Variants in SYNE1 observed in about 807,000 individuals in gnomAD.
SYNE1 encodes the protein nesprin-1.
In SYNE1, 616 loss-of-function variants were observed where a neutral mutation model predicts 1,111.0. That is an observed-to-expected ratio of 0.55 (90% CI 0.52 to 0.59). SYNE1 has a LOEUF of 0.59. Ranked by LOEUF, SYNE1 falls within the 20% of genes least tolerant of loss-of-function variation. The pLI is 0.00. For synonymous variants in SYNE1, 3,855 were observed against 3,825.8 expected (o/e 1.01, Z -0.28); for missense variants, 10,006 against 10,417.0 (o/e 0.96, Z 1.72).
Position 152,326,089 on chromosome 6 carries a change from A to G in SYNE1, c.15307T>C (p.Trp5103Arg). The change falls in exon 80 of 146, where the codon TGG (tryptophan) becomes CGG (arginine). Residue 5103 changes from tryptophan (W) to arginine (R), a missense_variant. Trp to Arg is a moderately radical substitution (Grantham distance 101). Around this residue, in one of 7 missense-constraint regions of SYNE1, gnomAD observed 4,955 missense variants for 5,017.2 expected, o/e 0.99. Coordinates refer to ENST00000367255, the MANE Select transcript of SYNE1 (RefSeq NM_182961.4). ...TCCCTTGCTTTCTGGTAATCGTGCC[A>G]TTGAGCTGTGCATCTTGAAAGAGTC... Reference protein sequence around the residue: ...VDLLQRCTAQWHDYQKAREEV... With the variant: ...VDLLQRCTAQRHDYQKAREEV... 6 of 1,614,116 alleles carry G rather than the reference A, an allele frequency of 3.7e-6. No individual in the cohort carries two copies. The highest frequency in any genetic ancestry group is 5.1e-6 in the Non-Finnish European group (6 of 1,180,032).
rs540444923 is a variant in SYNE1 at position 152,339,378 on chromosome 6, A to T, written c.12226-12T>A. 6.2e-7 allele frequency: 1 copy of T among 1,613,164 alleles called. No homozygotes were observed. Among genetic ancestry groups the T allele is most frequent in the South Asian group, 1.1e-5 (1 of 91,054 alleles). On this transcript the variant is annotated splice_polypyrimidine_tract_variant and intron_variant, in intron 74 of 145. Coordinates refer to ENST00000367255, the MANE Select transcript of SYNE1 (RefSeq NM_182961.4). ...CTGAAGTGTTTGACCTGGAAAAGGC[A>T]GTTATCAGAGTGAAAGAGATGCATC...
chr6:152,533,589 T>C (rs1039402886), intron 4 of SYNE1, among the ~76,000 whole-genome samples: 23 of 152,222 alleles, frequency 1.5e-4, no homozygotes, highest in South Asian at 4.1e-4. Flanking sequence ...CTACTGCTAC[T>C]ATCTTGGTCC....
At chr6:152,299,594 T>C (rs1367894070) in intron 93 of SYNE1, among the ~76,000 whole-genome samples, 1 of 152,048 alleles carries the variant, frequency 6.6e-6, no homozygotes. Flanking sequence ...ACTTGACAAA[T>C]GGATGAGTTG....
At position 152,121,813 on chromosome 6, in the gene SYNE1, T is replaced by C. The variant is rs538322324; in HGVS notation, c.*623A>G. ...ATTCAACTTTTTTCACATAAAGCCTTCCATGATCTTATTTATTACATCTAG... is the reference window on the plus strand; with the variant it reads ...ATTCAACTTTTTTCACATAAAGCCTCCCATGATCTTATTTATTACATCTAG... On this transcript the variant is annotated 3_prime_UTR_variant, in exon 146 of 146. Coordinates refer to ENST00000367255, the MANE Select transcript of SYNE1 (RefSeq NM_182961.4). The C allele has an allele frequency of 3.3e-5, 5 of 153,396 alleles. 1 individual carries two copies. The South Asian group carries it at 1.0e-3, about 32-fold the overall frequency. The allele number at this position is 153,396 out of a possible 1,614,324, so 9.5% of individuals were successfully genotyped here. A position where few individuals can be genotyped will look rare whatever the true frequency, so the allele number is the denominator to read the frequency against.
intron 3 of SYNE1, among the ~76,000 whole-genome samples, chr6:152,618,725 T>C (rs1631241): frequency 0.71 from 108,300 of 151,528 alleles, 38,766 homozygotes; most frequent in East Asian, 0.8. Context: ...ACTTAACAAA[T>C]TTCACGATAT....
chr6:152,523,071 C>G (rs964306701), intron 5 of SYNE1, among the ~76,000 whole-genome samples: 2 of 151,840 alleles, frequency 1.3e-5, no homozygotes, highest in African/African-American at 4.8e-5. Context: ...GTCCATTTAT[C>G]TATTTCTATT....
At chr6:152,521,418 T>C (rs983989384) in intron 5 of SYNE1, among the ~76,000 whole-genome samples, 1 of 152,194 alleles carries the variant, frequency 6.6e-6, no homozygotes, top group African/African-American at 2.4e-5. Flanking sequence ...ATTTGTAAAG[T>C]AATATCAAAC....
Position 152,430,133 on chromosome 6 carries a change from G to C in SYNE1, c.4767C>G (p.Tyr1589Ter). Residue 1589 changes from tyrosine (Y) to a stop codon, truncating the protein, a stop_gained, in exon 36 of 146, where the codon TAC becomes TAG. Coordinates refer to ENST00000367255, the MANE Select transcript of SYNE1 (RefSeq NM_182961.4). LOFTEE classifies it high-confidence loss of function. ...TTACCATATGTTCTTGAAGAACTTTGTATGTTTCTGTAGCTGAAGAACATA... is the reference window on the plus strand; with the variant it reads ...TTACCATATGTTCTTGAAGAACTTTCTATGTTTCTGTAGCTGAAGAACATA... The part of the protein sequence containing the change: ...IKICSSATET[Y>*]KVLQEHMDLC... 6.3e-7 allele frequency: 1 copy of C among 1,599,338 alleles called. No homozygotes were observed.
chr6:152,326,636 GA>G lies in SYNE1; in HGVS notation c.14956-4del, dbSNP rs766983055. ...CTATATATTTCAGTCAAGGTAGCCT[GA>G]AAAACAGCAATTGCAAACATAATCA... is the stretch of plus-strand genomic sequence containing the variant. On this transcript the variant is annotated splice_region_variant and splice_polypyrimidine_tract_variant and intron_variant, in intron 78 of 145. Coordinates refer to ENST00000367255, the MANE Select transcript of SYNE1 (RefSeq NM_182961.4). The G allele has an allele frequency of 6.2e-7, 1 of 1,612,514 alleles. No homozygotes were observed. Among genetic ancestry groups the G allele is most frequent in the Admixed American group, 1.7e-5 (1 of 59,970 alleles).
intron 3 of SYNE1, among the ~76,000 whole-genome samples, chr6:152,581,843 A>G (rs2099520735): frequency 6.6e-6 from 1 of 152,000 alleles, no homozygotes; most frequent in Non-Finnish European, 1.5e-5. Context: ...TTATGCATCT[A>G]TTCTTGTCTT....
At chr6:152,418,547 C>T (rs554334696) in intron 40 of SYNE1, among the ~76,000 whole-genome samples, 16 of 152,222 alleles carry the variant, frequency 1.1e-4, no homozygotes, top group South Asian at 4.1e-4. Flanking sequence ...TGATCAATAT[C>T]GGAATTTTTG....
chr6:152,258,839 G>C (rs1246293823), intron 101 of SYNE1, among the ~76,000 whole-genome samples: 1 of 151,626 alleles, frequency 6.6e-6, no homozygotes, highest in African/African-American at 2.4e-5. Flanking sequence ...CTGCCTCCCG[G>C]GTTCAAGTGA....
At chr6:152,500,058 A>C (rs2099020978) in intron 10 of SYNE1, among the ~76,000 whole-genome samples, 1 of 152,216 alleles carries the variant, frequency 6.6e-6, no homozygotes, top group Admixed American at 6.5e-5. Context: ...TCAGTTTACT[A>C]ATCTGGAGAG....
At chr6:152,336,024 A>AC (rs2096380565) in intron 76 of SYNE1, 1 of 151,456 alleles carries the variant, frequency 6.6e-6, no homozygotes, top group African/African-American at 2.4e-5. Flanking sequence ...TAAATTATAT[A>AC]TAAATATGTA....
chr6:152,461,345 C>T (rs1184041221), intron 21 of SYNE1, among the ~76,000 whole-genome samples: 2 of 152,088 alleles, frequency 1.3e-5, no homozygotes, highest in African/African-American at 4.8e-5. Flanking sequence ...TGTAACCGTT[C>T]CCCAAAAGTA....
chr6:152,531,148 C>T (rs74724348), intron 4 of SYNE1, among the ~76,000 whole-genome samples: 1 of 151,900 alleles, frequency 6.6e-6, no homozygotes, highest in African/African-American at 2.4e-5. Flanking sequence ...TTGGATATGC[C>T]AACAAGATGC....
chr6:152,227,964 T>C (rs1328663512), intron 115 of SYNE1, among the ~76,000 whole-genome samples: 1 of 152,192 alleles, frequency 6.6e-6, no homozygotes, highest in African/African-American at 2.4e-5. Context: ...CAATAAAACA[T>C]TCTTAACTTC....
At chr6:152,444,648 G>C in intron 29 of SYNE1, 70 bp from the exon 30 acceptor site, 1 of 1,440,506 alleles carries the variant, frequency 6.9e-7, no homozygotes, top group Non-Finnish European at 9.5e-7. Context: ...AATTTTTTTG[G>C]TAAGGTATGA....
At chr6:152,507,839 T>G (rs1379835171) in intron 8 of SYNE1, among the ~76,000 whole-genome samples, 1 of 152,198 alleles carries the variant, frequency 6.6e-6, no homozygotes, top group Non-Finnish European at 1.5e-5. Flanking sequence ...TGATAGTGGA[T>G]GAAATTAGTT....
Sources: allele counts gnomAD v4.1 joint callset (sites outside exome capture counted in the v4.1 genomes callset), GRCh38; gene constraint gnomAD v4.1.1; regional missense constraint gnomAD v4.1.1; transcripts MANE v1.5; gene names NCBI Gene and HGNC (gene_info 2026-07-23, HGNC 2026-07-21).